The following IGFL2 variants were observed in gnomAD, a reference collection of about 807,000 sequenced individuals.
IGFL2 encodes IGF like family member 2, also known as insulin growth factor-like family member 2.
A neutral mutation model predicts 13.9 loss-of-function variants in IGFL2; 7 were observed. That is an observed-to-expected ratio of 0.51 (90% CI 0.29 to 0.95). The LOEUF is 0.95. Among genes scored for constraint, IGFL2 ranks in the 40% least tolerant of loss-of-function variants. The probability of loss-of-function intolerance (pLI) is 0.08; values close to 1 mark genes in which losing one functional copy is unlikely to be tolerated. For synonymous variants in IGFL2, 55 were observed against 55.8 expected, an observed-to-expected ratio of 0.99 and a Z score of 0.07; for missense variants, 138 against 147.8, an observed-to-expected ratio of 0.93 and a Z score of 0.34.
At chr19:46,158,553 GGGGGC>G (rs1367039515) in intron 1 of IGFL2, among the ~76,000 whole-genome samples, 1 of 151,848 alleles carries the variant, frequency 6.6e-6, no homozygotes, top group African/African-American at 2.4e-5. Context: ...TTATTTTTGG[GGGGGC>G]GGGTGGGTAT....
chr19:46,089,565 C>T, the IGFL2 span, among the ~76,000 whole-genome samples: 1 of 151,654 alleles, frequency 6.6e-6, no homozygotes, highest in Admixed American at 6.6e-5. Context: ...GAGGTAAACT[C>T]CCCCAGCACT....
the IGFL2 span, among the ~76,000 whole-genome samples, chr19:46,185,280 C>T: frequency 6.6e-6 from 1 of 152,228 alleles, no homozygotes; most frequent in Admixed American, 6.5e-5. Context: ...TGGGCAGCTG[C>T]TCCTCTCTCT....
chr19:46,086,171 T>G, the IGFL2 span, among the ~76,000 whole-genome samples: 1 of 152,268 alleles, frequency 6.6e-6, no homozygotes, highest in East Asian at 1.9e-4. Context: ...TTGGTTCTCT[T>G]TAATGATACC....
the IGFL2 span, among the ~76,000 whole-genome samples, chr19:46,099,070 T>A: frequency 3.3e-5 from 5 of 152,180 alleles, no homozygotes. Flanking sequence ...TTATTTCTCC[T>A]TTGCTTATGA....
At chr19:46,096,172 TG>T in the IGFL2 span, among the ~76,000 whole-genome samples, 1 of 152,216 alleles carries the variant, frequency 6.6e-6, no homozygotes, top group Non-Finnish European at 1.5e-5. Context: ...TTTTTCTATT[TG>T]TTTGTGTCCT....
At chr19:46,128,207 C>A in the IGFL2 span, among the ~76,000 whole-genome samples, 1 of 152,156 alleles carries the variant, frequency 6.6e-6, no homozygotes, top group East Asian at 1.9e-4. Context: ...TATCCTGCAA[C>A]TTCGCTGAAG....
chr19:46,164,793 A>C (rs1169621336), downstream of IGFL2: 2 of 152,164 alleles, frequency 1.3e-5, no homozygotes, highest in African/African-American at 4.8e-5. Flanking sequence ...CTAACTTCTG[A>C]GTCTTTTTTC....
chr19:46,106,094 A>G, the IGFL2 span, among the ~76,000 whole-genome samples: 4 of 152,188 alleles, frequency 2.6e-5, no homozygotes, highest in African/African-American at 9.7e-5. Flanking sequence ...CTAGGAAGGA[A>G]AGGAGTTGTT....
At chr19:46,100,072 C>T in the IGFL2 span, among the ~76,000 whole-genome samples, 1 of 152,076 alleles carries the variant, frequency 6.6e-6, no homozygotes, top group African/African-American at 2.4e-5. Context: ...TAAACATGCT[C>T]CTTTAGCTTA....
chr19:46,132,525 C>T, the IGFL2 span, among the ~76,000 whole-genome samples: 1 of 152,132 alleles, frequency 6.6e-6, no homozygotes, highest in South Asian at 2.1e-4. Flanking sequence ...CAGAAAAGTC[C>T]ACAGGCTTCC....
At chr19:46,192,644 C>A in the IGFL2 span, among the ~76,000 whole-genome samples, 1 of 152,022 alleles carries the variant, frequency 6.6e-6, no homozygotes, top group Admixed American at 6.6e-5. Context: ...TAGTCTCGAA[C>A]TCCTGATCTT....
chr19:46,170,886 G>A, the IGFL2 span, among the ~76,000 whole-genome samples: 14 of 152,138 alleles, frequency 9.2e-5, no homozygotes, highest in Non-Finnish European at 1.9e-4. Context: ...TGCACGGCGG[G>A]ACATGAAACT....
chr19:46,187,417 A>G, the IGFL2 span, among the ~76,000 whole-genome samples: 118 of 118,146 alleles, frequency 1.0e-3, 1 homozygote, highest in African/African-American at 3.5e-3. Context: ...GCATTAACCC[A>G]TTTAAACCTG....
the IGFL2 span, among the ~76,000 whole-genome samples, chr19:46,201,920 G>T: frequency 6.9e-6 from 1 of 145,372 alleles, no homozygotes; most frequent in Admixed American, 6.9e-5. Flanking sequence ...GGGCAGGTTG[G>T]GGAGGGCTAG....
At chr19:46,172,450 T>G in the IGFL2 span, among the ~76,000 whole-genome samples, 556 of 152,258 alleles carry the variant, frequency 3.7e-3, 3 homozygotes, top group African/African-American at 0.013. Context: ...AGTTGAGGTG[T>G]TTGCTGAGAG....
chr19:46,079,777 T>G, the IGFL2 span, among the ~76,000 whole-genome samples: 2 of 152,118 alleles, frequency 1.3e-5, no homozygotes, highest in African/African-American at 4.8e-5. Context: ...CAAAGGAAGC[T>G]CAGATGACAG....
the IGFL2 span, chr19:46,173,895 C>A: frequency 5.3e-5 from 8 of 152,344 alleles, no homozygotes; most frequent in African/African-American, 1.7e-4. Flanking sequence ...GAGTTTGGTA[C>A]TTGGTATGCA....
the IGFL2 span, among the ~76,000 whole-genome samples, chr19:46,210,513 A>C: frequency 6.6e-5 from 10 of 152,296 alleles, no homozygotes; most frequent in African/African-American, 2.2e-4. Flanking sequence ...ACAAGGTCCC[A>C]CAATAGGCCA....
At chr19:46,136,922 C>T in the IGFL2 span, 1 of 961,702 alleles carries the variant, frequency 1.0e-6, no homozygotes, top group East Asian at 2.4e-5. Flanking sequence ...CCTCTGGGCA[C>T]ATGAGAGAGG....
Sources: allele counts gnomAD v4.1 joint callset (sites outside exome capture counted in the v4.1 genomes callset), GRCh38; gene constraint gnomAD v4.1.1; transcripts MANE v1.5; gene names NCBI Gene and HGNC (gene_info 2026-07-23, HGNC 2026-07-21).